TTC39B: variants seen among roughly 807,000 people sequenced by gnomAD.
The protein encoded by TTC39B is tetratricopeptide repeat protein 39B.
Under a neutral mutation model 96.6 loss-of-function variants are expected in TTC39B, and 92 were observed. The observed-to-expected ratio is 0.95, with a 90% CI of 0.80 to 1.13. The LOEUF (loss-of-function observed/expected upper bound fraction) is 1.13, where lower values mean the gene tolerates loss of function less well. Among genes scored for constraint, TTC39B ranks in the 50% most tolerant of loss-of-function variants. The probability of loss-of-function intolerance (pLI) is 0.00; values close to 1 mark genes in which losing one functional copy is unlikely to be tolerated. For missense variants in TTC39B, 955 were observed against 809.3 expected (o/e 1.18, Z -2.18); for synonymous variants, 367 against 299.4 (o/e 1.23, Z -2.33).
intron 1 of TTC39B, among the ~76,000 whole-genome samples, chr9:15,294,215 A>T (rs1587025365): frequency 4.7e-4 from 1 of 2,112 alleles, no homozygotes; most frequent in African/African-American, 2.0e-3. Context: ...TAGCAGCTGG[A>T]AAAAAAAAAA....
intron 1 of TTC39B, among the ~76,000 whole-genome samples, chr9:15,288,879 G>A (rs943604758): frequency 1.3e-5 from 2 of 152,210 alleles, no homozygotes; most frequent in African/African-American, 4.8e-5. Context: ...AGCATGCATG[G>A]CAGCCGAACA....
In TTC39B at chr9:15,252,614, C is replaced by G. The variant is rs371951037; in HGVS notation, c.275+15300G>C. On this transcript the variant is annotated intron_variant, in intron 2 of 19. Coordinates refer to ENST00000512701, the Ensembl canonical transcript of TTC39B. ...AGTGAGCCAAGATGGCGCTATGGCA[C>G]TCCAGCGTGGGCAACAAGAGTGAAA... Among the ~76,000 whole-genome samples, 7 of 151,918 alleles carry G rather than the reference C, an allele frequency of 4.6e-5. No individual in the cohort carries two copies. The East Asian group carries it at 1.2e-3, about 25-fold the overall frequency.
intron 6 of TTC39B, among the ~76,000 whole-genome samples, chr9:15,205,098 G>C (rs1031545692): frequency 6.6e-6 from 1 of 152,110 alleles, no homozygotes; most frequent in African/African-American, 2.4e-5. Flanking sequence ...CTCTCTGCTG[G>C]TTTCCTCATT....
At position 15,187,836 on chromosome 9, in the gene TTC39B, C is replaced by T. The variant is rs1202874213; in HGVS notation, c.1395+135G>A. The T allele has an allele frequency of 1.1e-5, 10 of 919,764 alleles. No homozygotes were observed. In the Middle Eastern group the frequency reaches 8.3e-4, roughly 76 times the overall value. The allele number at this position is 919,764 out of a possible 1,614,324, so 57.0% of individuals were successfully genotyped here. On this transcript the variant is annotated intron_variant, in intron 14 of 19. Coordinates refer to ENST00000512701, the Ensembl canonical transcript of TTC39B. ...CTATAAATAGTGGGTACTTAAGGCA[C>T]ATTTCCTCCTTTTGTGGATCTCTAA...
intron 4 of TTC39B, among the ~76,000 whole-genome samples, chr9:15,212,495 G>C (rs1330280878): frequency 6.6e-6 from 1 of 152,142 alleles, no homozygotes; most frequent in Admixed American, 6.5e-5. Flanking sequence ...GCACAATCTC[G>C]GCTCACCACA....
In TTC39B at chr9:15,246,483, C is replaced by T. The variant is rs970948308; in HGVS notation, c.276-20471G>A. Among the ~76,000 whole-genome samples the T allele has an allele frequency of 4.6e-5, 7 of 152,248 alleles. No homozygotes were observed. In the East Asian group the frequency reaches 7.7e-4, roughly 17 times the overall value. On this transcript the variant is annotated intron_variant, in intron 2 of 19. Coordinates refer to ENST00000512701, the Ensembl canonical transcript of TTC39B. ...TTTGGCAAGTGTGGTAGATTATAAA[C>T]GGCCACAAATTCTTTGTCACCCTTC...
chr9:15,179,433 G>T (rs1016291651), intron 17 of TTC39B, among the ~76,000 whole-genome samples: 1 of 152,150 alleles, frequency 6.6e-6, no homozygotes, highest in Non-Finnish European at 1.5e-5. Context: ...CAACCAGAAA[G>T]GGGTTACTTC....
chr9:15,199,535 A>G (rs1371020810), intron 8 of TTC39B, among the ~76,000 whole-genome samples: 1 of 151,766 alleles, frequency 6.6e-6, no homozygotes, highest in East Asian at 1.9e-4. Flanking sequence ...GGAGATCGAG[A>G]CCATCCTGAC....
chr9:15,269,720 T>C (rs1823268299), intron 1 of TTC39B, among the ~76,000 whole-genome samples: 1 of 149,960 alleles, frequency 6.7e-6, no homozygotes, highest in African/African-American at 2.5e-5. Flanking sequence ...CTGGGCGTGG[T>C]GACATGCACC....
At chr9:15,207,828 CA>C in intron 6 of TTC39B, among the ~76,000 whole-genome samples, 1 of 150,350 alleles carries the variant, frequency 6.7e-6, no homozygotes, top group African/African-American at 2.4e-5. Context: ...ACTAAAAATA[CA>C]AAAAATTAGC....
chr9:15,276,595 A>G (rs1252242749), intron 1 of TTC39B, among the ~76,000 whole-genome samples: 2 of 152,192 alleles, frequency 1.3e-5, no homozygotes, highest in African/African-American at 2.4e-5. Context: ...TAGGAAGCAA[A>G]TCTGCCTCTA....
At chr9:15,296,468 G>T (rs1824379382) in intron 1 of TTC39B, among the ~76,000 whole-genome samples, 1 of 152,076 alleles carries the variant, frequency 6.6e-6, no homozygotes, top group African/African-American at 2.4e-5. Flanking sequence ...AATACAGAAG[G>T]GTGCATGTGT....
At chr9:15,296,994 A>C (rs1824405421) in intron 1 of TTC39B, among the ~76,000 whole-genome samples, 2 of 152,008 alleles carry the variant, frequency 1.3e-5, no homozygotes, top group Admixed American at 6.6e-5. Flanking sequence ...CTCTTTAAGA[A>C]AAAAGAAAAG....
At position 15,298,713 on chromosome 9, in the gene TTC39B, A is replaced by G. The variant is rs145904027; in HGVS notation, c.240+8371T>C. ...GTGGGAACACAGCCAAACCATATCA[A>G]TAATCATGTGAGACAACTCCCATAA... On this transcript the variant is annotated intron_variant, in intron 1 of 19. Coordinates refer to ENST00000512701, the Ensembl canonical transcript of TTC39B. Among the ~76,000 whole-genome samples the G allele has an allele frequency of 2.3e-3, 352 of 152,266 alleles. 2 individuals carry two copies. Among genetic ancestry groups the G allele is most frequent in the African/African-American group, 7.4e-3 (309 of 41,548 alleles).
exon 16 of TTC39B, chr9:15,185,401 A>T: frequency 1.2e-6 from 2 of 1,613,694 alleles, no homozygotes; most frequent in Non-Finnish European, 1.7e-6. Flanking sequence ...CAAGCTGTCC[A>T]CCTGTCTGTG....
chr9:15,262,043 G>T (rs529515599), intron 2 of TTC39B, among the ~76,000 whole-genome samples: 1 of 152,054 alleles, frequency 6.6e-6, no homozygotes. Context: ...TCCTTATGCC[G>T]AACAGGTCAT....
At chr9:15,275,486 T>C (rs1442047188) in intron 1 of TTC39B, among the ~76,000 whole-genome samples, 3 of 152,214 alleles carry the variant, frequency 2.0e-5, no homozygotes, top group East Asian at 1.9e-4. Flanking sequence ...GGCATTTTAA[T>C]GGGAAAGATT....
exon 20 of TTC39B, chr9:15,166,294 T>G (rs1218697117): frequency 1.3e-5 from 2 of 152,218 alleles, no homozygotes; most frequent in Non-Finnish European, 2.9e-5. Flanking sequence ...TTTTTCCATG[T>G]GATGTCCTGT....
At chr9:15,278,323 G>T (rs1430793864) in intron 1 of TTC39B, among the ~76,000 whole-genome samples, 1 of 152,040 alleles carries the variant, frequency 6.6e-6, no homozygotes, top group Non-Finnish European at 1.5e-5. Flanking sequence ...CAAAAAATAT[G>T]CATAGTGATA....
Sources: allele counts gnomAD v4.1 joint callset (sites outside exome capture counted in the v4.1 genomes callset), GRCh38; gene constraint gnomAD v4.1.1; transcripts MANE v1.5; gene names NCBI Gene and HGNC (gene_info 2026-07-23, HGNC 2026-07-21).